The following TTN variants were observed in gnomAD, a reference collection of about 807,000 sequenced individuals.
TTN encodes the protein connectin.
Under a neutral mutation model 3,223.0 loss-of-function variants are expected in TTN, and 1,525 were observed. The observed-to-expected ratio is 0.47, with a 90% confidence interval of 0.45 to 0.49. The LOEUF (loss-of-function observed/expected upper bound fraction) is 0.49, where lower values mean the gene tolerates loss of function less well. Among genes scored for constraint, TTN ranks in the 20% least tolerant of loss-of-function variants. The pLI, the probability that TTN is intolerant of heterozygous loss-of-function variation, is 0.00. For synonymous variants in TTN, 14,094 were observed against 15,161.0 expected (o/e 0.93, Z 5.17); for missense variants, 40,786 against 43,424.0 (o/e 0.94, Z 5.40).
At chr2:178,749,272 C>T (rs1259871031) in intron 47 of TTN, 1 of 1,611,486 alleles carries the variant, frequency 6.2e-7, no homozygotes, top group Admixed American at 1.7e-5. Flanking sequence ...AAACAGTACC[C>T]TCTGCTTGGT....
At position 178,567,339 on chromosome 2, in the gene TTN, T is replaced by A; in HGVS notation, c.78793A>T (p.Ile26265Phe). Residue 26265 changes from isoleucine (I) to phenylalanine (F), a missense_variant, in exon 326 of 363, where the codon ATT (isoleucine) becomes TTT (phenylalanine). Ile to Phe is a conservative substitution (Grantham distance 21). Coordinates refer to ENST00000589042, the MANE Select transcript of TTN (RefSeq NM_001267550.2). The part of the protein sequence containing the change: ...DAIRIDGGQY[I>F]LRASNVAGSK... The stretch of plus-strand genomic sequence containing the variant: ...CCTGCAACATTGGAAGCTCTTAAAA[T>A]ATACTGCCCACCATCAATTCTAATT... 2 of 1,602,232 alleles carry A rather than the reference T, an allele frequency of 1.2e-6. No homozygotes were observed. The highest frequency in any genetic ancestry group is 1.7e-6 in the Non-Finnish European group (2 of 1,175,732).
At chr2:178,793,373 C>T in intron 9 of TTN, 31 bp downstream of exon 9, 4 of 1,612,678 alleles carry the variant, frequency 2.5e-6, no homozygotes, top group Non-Finnish European at 3.4e-6. Context: ...GTAAGAACCT[C>T]AGTGAATTTA....
rs1487871864 is a variant in TTN at position 178,764,230 on chromosome 2, G to A, written c.10061C>T (p.Thr3354Ile). 1 of 1,614,004 alleles carries A rather than the reference G, an allele frequency of 6.2e-7. No homozygotes were observed. Among genetic ancestry groups the A allele is most frequent in the Non-Finnish European group, 8.5e-7 (1 of 1,179,982 alleles). ...PPAIITPLQD[T>I]VTSEGQPARF... ...GGCTGGCTGCCCTTCAGAAGTGACA[G>A]TGTCCTGAAGCGGGGTGATGATGGC... The change falls in exon 43 of 363, where the codon ACT (threonine) becomes ATT (isoleucine). Residue 3354 changes from threonine to isoleucine, a missense_variant. Transcript: ENST00000589042.
rs779633258 is a variant in TTN at position 178,612,444 on chromosome 2, C to T, written c.50081G>A (p.Arg16694Lys). 1 of 1,612,378 alleles carries T rather than the reference C, an allele frequency of 6.2e-7. No homozygotes were observed. Among genetic ancestry groups the T allele is most frequent in the African/African-American group, 1.3e-5 (1 of 74,824 alleles). The stretch of plus-strand genomic sequence containing the variant: ...ATCCACTGTTTGCCAGCCTTTTCGC[C>T]TGACGTCTCTCTTTTCCACAATGTA... ...TNYIVEKRDVRRKGWQTVDTT... is the reference protein window; with the variant it reads ...TNYIVEKRDVKRKGWQTVDTT... Residue 16694 changes from arginine (R) to lysine (K), a missense_variant, in exon 266 of 363, where the codon AGG becomes AAG. Arg to Lys is a conservative substitution (Grantham distance 26). Coordinates refer to ENST00000589042, the MANE Select transcript of TTN (RefSeq NM_001267550.2).
chr2:178,542,017 C>T (rs1694803292), intron 349 of TTN: 2 of 365,936 alleles, frequency 5.5e-6, no homozygotes, highest in South Asian at 8.5e-5. Context: ...TTCTTCCTAA[C>T]TCCCTCCTCT....
At chr2:178,759,385 T>A (rs901930349) in intron 43 of TTN, among the ~76,000 whole-genome samples, 4 of 152,226 alleles carry the variant, frequency 2.6e-5, no homozygotes, top group Middle Eastern at 3.2e-3. Context: ...ATATAGCTTG[T>A]CCTAAGGTTG....
Position 178,555,270 on chromosome 2 carries a change from T to C in TTN, c.88307-118A>G, listed in dbSNP as rs1000284309. On this transcript the variant is annotated intron_variant, in intron 330 of 362. Transcript: ENST00000589042. ...ATTAAATTATACACACACACCATCA[T>C]TATAATTCTATGCAATTATTATTTA... The C allele has an allele frequency of 4.4e-6, 4 of 916,038 alleles. No homozygotes were observed. In the African/African-American group the frequency reaches 6.8e-5, roughly 16 times the overall value. 56.7% of individuals were successfully genotyped at this position (916,038 alleles called of 1,614,324 possible).
chr2:178,713,705 A>G (rs2077033942), intron 92 of TTN, 192 bp downstream of exon 92: 1 of 856,056 alleles, frequency 1.2e-6, no homozygotes, highest in African/African-American at 1.7e-5. Flanking sequence ...AAATTCCTCA[A>G]AAAGAAAGGG....
At position 178,714,910 on chromosome 2, in the gene TTN, G is replaced by C. The variant is rs2077236982; in HGVS notation, c.26200+76C>G. 3.4e-5 allele frequency: 52 copies of C among 1,524,378 alleles called. No individual in the cohort carries two copies. The Middle Eastern group carries it at 1.2e-3, about 36-fold the overall frequency. The allele number at this position is 1,524,378 out of a possible 1,614,324, so 94.4% of individuals were successfully genotyped here. ...AATAGGCTGCTAGTGATAAGACTGG[G>C]CTGGGGTGGAGGGGGCAACAGAGTA... is the stretch of plus-strand genomic sequence containing the variant. On this transcript the variant is annotated intron_variant, in intron 90 of 362. Coordinates refer to ENST00000589042, the MANE Select transcript of TTN (RefSeq NM_001267550.2).
rs1060500475 is a variant in TTN at position 178,624,700 on chromosome 2, C to T, written c.44580G>A (p.Glu14860=). ...EPPVEFTKPL[E]DQTVEEGATA... ...TGGCTCCCTCTTCGACCGTCTGGTC[C>T]TCAAGAGGCTTAGTGAATTCAACTG... Residue 14860 remains glutamate, a synonymous_variant, in exon 242 of 363, where the codon GAG becomes GAA. Transcript: ENST00000589042. 1 of 1,612,326 alleles carries T rather than the reference C, an allele frequency of 6.2e-7. No homozygotes were observed. Among genetic ancestry groups the T allele is most frequent in the East Asian group, 2.2e-5 (1 of 44,668 alleles).
In TTN at chr2:178,571,248, G is replaced by GTGTT. The variant is rs869312116; in HGVS notation, c.74880_74883dup (p.Pro24962AsnfsTer9). 6.2e-7 allele frequency: 1 copy of GTGTT among 1,613,510 alleles called. No individual in the cohort carries two copies. Among genetic ancestry groups the GTGTT allele is most frequent in the Non-Finnish European group, 8.5e-7 (1 of 1,179,618 alleles). On this transcript the variant is annotated frameshift_variant, in exon 326 of 363. Coordinates refer to ENST00000589042, the MANE Select transcript of TTN (RefSeq NM_001267550.2). LOFTEE classifies it high-confidence loss of function. The stretch of plus-strand genomic sequence containing the variant: ...GTCTTAAACTTGGTTTGAGGAATAG[G>GTGTT]TGTTTTATTCAACTTAACCCAGAGG...
intron 330 of TTN, chr2:178,555,505 G>A (rs981415862): frequency 6.5e-5 from 14 of 213,978 alleles, no homozygotes; most frequent in Admixed American, 4.7e-4. Flanking sequence ...TTTCTTCTAC[G>A]CACCTCCTAT....
chr2:178,731,107 G>A lies in TTN; in HGVS notation c.17558C>T (p.Thr5853Ile), dbSNP rs2154308873. Residue 5853 changes from threonine to isoleucine, a missense_variant, in exon 60 of 363, where the codon ACA (threonine) becomes ATA (isoleucine). Thr to Ile is a moderately conservative substitution (Grantham distance 89). Coordinates refer to ENST00000589042, the MANE Select transcript of TTN (RefSeq NM_001267550.2). The stretch of plus-strand genomic sequence containing the variant: ...TTGGCCATCTTTAAACCATTTGGCT[G>A]TAATCTCCTTAGTCCCTGAAAATTT... ...QVKFSGTKEITAKWFKDGQEL... is the reference protein window; with the variant it reads ...QVKFSGTKEIIAKWFKDGQEL... The A allele has an allele frequency of 3.7e-6, 6 of 1,613,732 alleles. No individual in the cohort carries two copies. The highest frequency in any genetic ancestry group is 5.1e-6 in the Non-Finnish European group (6 of 1,179,734).
At chr2:178,702,338 CT>C in intron 107 of TTN, 93 bp from the exon 108 acceptor site, 2 of 1,606,176 alleles carry the variant, frequency 1.2e-6, no homozygotes, top group Middle Eastern at 3.4e-4. Context: ...TTACACTTGT[CT>C]TTTCTAAAAA....
At chr2:178,640,655 G>A in intron 220 of TTN, 25 bp from the exon 221 acceptor site, 3 of 1,534,194 alleles carry the variant, frequency 2.0e-6, no homozygotes, top group Non-Finnish European at 2.6e-6. Context: ...TATTTTTTCA[G>A]TGTTAATATT....
chr2:178,588,004 A>G lies in TTN; in HGVS notation c.63403T>C (p.Leu21135=). The change falls in exon 305 of 363, where the codon TTG becomes CTG. Residue 21135 remains leucine (L), a synonymous_variant. Transcript: ENST00000589042. ...LVRKEFTVTS[L]DENQEYEFRV... ...AACTCATATTCCTGGTTTTCATCCA[A>G]GCTGGTAACAGTGAATTCCTTGCGT... is the stretch of plus-strand genomic sequence containing the variant. 6.2e-7 allele frequency: 1 copy of G among 1,612,838 alleles called. No homozygotes were observed. The highest frequency in any genetic ancestry group is 8.5e-7 in the Non-Finnish European group (1 of 1,179,350).
chr2:178,669,502 T>C (rs2066582175), intron 158 of TTN, 55 bp from the exon 159 acceptor site: 2 of 1,579,572 alleles, frequency 1.3e-6, no homozygotes, highest in Admixed American at 1.8e-5. Flanking sequence ...AGATACGAAA[T>C]ACAAGGATTT....
chr2:178,652,686 G>T lies in TTN; in HGVS notation c.39010C>A (p.Pro13004Thr), dbSNP rs764827155. The change falls in exon 201 of 363, where the codon CCT becomes ACT. Residue 13004 changes from proline to threonine, a missense_variant. Transcript: ENST00000589042. ...GGTGGGACTTCAGGCTTTTTAGGAG[G>T]AGCCGAGGGCACTTTCTTTTCAGGA... ...VVPEKKVPSAPPKKPEVPPVK... is the reference protein window; with the variant it reads ...VVPEKKVPSATPKKPEVPPVK... The T allele has an allele frequency of 1.2e-6, 2 of 1,613,428 alleles. No individual in the cohort carries two copies. The highest frequency in any genetic ancestry group is 2.7e-5 in the African/African-American group (2 of 74,998).
chr2:178,785,848 C>T lies in TTN; in HGVS notation c.2370G>A (p.Gln790=), dbSNP rs2093138193. The stretch of plus-strand genomic sequence containing the variant: ...GAAAAATCAGCAGGTATAGACTCAC[C>T]TGTGATGATATGTGCATTCCCTTTT... ...TDQKGMHISS[Q]IKKTTDLTTE... The change falls in exon 14 of 363, where the codon CAG becomes CAA. Residue 790 remains glutamine (Q), a splice_region_variant and synonymous_variant. Transcript: ENST00000589042. 1 of 1,614,056 alleles carries T rather than the reference C, an allele frequency of 6.2e-7. No individual in the cohort carries two copies. The highest frequency in any genetic ancestry group is 8.5e-7 in the Non-Finnish European group (1 of 1,179,992).
Sources: gnomAD v4.1 joint callset for allele counts (sites outside exome capture counted in the v4.1 genomes callset) on GRCh38, gnomAD v4.1.1 for gene constraint, MANE v1.5 for transcripts, NCBI Gene and HGNC (gene_info 2026-07-23, HGNC 2026-07-21) for gene names.